Variants in NCALD observed in about 807,000 individuals in gnomAD.
NCALD encodes the protein neurocalcin-delta.
In NCALD, 10 loss-of-function variants were observed where a neutral mutation model predicts 18.6. The observed-to-expected ratio is 0.54, with a 90% CI of 0.33 to 0.91. The LOEUF (loss-of-function observed/expected upper bound fraction) is 0.91. Among genes scored for constraint, NCALD ranks in the 40% least tolerant of loss-of-function variants. The probability of loss-of-function intolerance (pLI) is 0.03; values close to 1 mark genes in which losing one functional copy is unlikely to be tolerated. For synonymous variants in NCALD, 88 were observed against 87.4 expected, an observed-to-expected ratio of 1.01 and a Z score of -0.04; for missense variants, 184 against 247.6, an observed-to-expected ratio of 0.74 and a Z score of 1.72.
At chr8:102,041,062 A>G (rs558081649) in intron 1 of NCALD, among the ~76,000 whole-genome samples, 1 of 152,310 alleles carries the variant, frequency 6.6e-6, no homozygotes, top group Non-Finnish European at 1.5e-5. Context: ...CTATTCTGCT[A>G]ATTTCTCAAT....
chr8:101,935,006 TA>T (rs1818708803), intron 2 of NCALD, among the ~76,000 whole-genome samples: 1 of 151,944 alleles, frequency 6.6e-6, no homozygotes, highest in Middle Eastern at 3.2e-3. Context: ...AGACTATATA[TA>T]AAAAACTTGT....
rs143561924 is a variant in NCALD at position 101,967,240 on chromosome 8, C to T, written c.-156-51382G>A. 2.8e-3 allele frequency among the ~76,000 whole-genome samples: 427 copies of T among 152,248 alleles called. 4 individuals carry two copies. Among genetic ancestry groups the T allele is most frequent in the African/African-American group, 1.0e-2 (414 of 41,550 alleles). On this transcript the variant is annotated intron_variant, in intron 2 of 6. Transcript: ENST00000311028. Reference sequence around the variant, plus strand: ...TCATGAACAGTGTTGTAAACCACAACGGAAGTTGCCAAGGAAGTGTGCTGG... The same window carrying T: ...TCATGAACAGTGTTGTAAACCACAATGGAAGTTGCCAAGGAAGTGTGCTGG...
chr8:101,723,183 A>G (rs1816436052), intron 1 of NCALD, among the ~76,000 whole-genome samples: 1 of 152,238 alleles, frequency 6.6e-6, no homozygotes, highest in Admixed American at 6.5e-5. Flanking sequence ...AATCGTTTTC[A>G]TAACTCCAGT....
chr8:102,095,478 T>C lies in NCALD; in HGVS notation c.-210+28759A>G, dbSNP rs1289903536. 2.0e-5 allele frequency among the ~76,000 whole-genome samples: 3 copies of C among 152,218 alleles called. No individual in the cohort carries two copies. The East Asian group carries it at 5.8e-4, about 29-fold the overall frequency. ...CCTGTGTTTTGATTTTGAGCATCTG[T>C]TAGGCTCGGACCAGCTAAAACCCAT... On this transcript the variant is annotated intron_variant, in intron 1 of 6. Coordinates refer to the NCALD transcript ENST00000311028.
chr8:101,731,993 C>T (rs1677011508), intron 1 of NCALD, among the ~76,000 whole-genome samples: 1 of 152,184 alleles, frequency 6.6e-6, no homozygotes. Flanking sequence ...ACCACCTGGC[C>T]GTCAGACCAT....
At chr8:101,974,107 G>A (rs1820336633) in intron 2 of NCALD, among the ~76,000 whole-genome samples, 1 of 139,574 alleles carries the variant, frequency 7.2e-6, no homozygotes, top group African/African-American at 2.7e-5. Context: ...AGCTCTCCCT[G>A]CCCTCAATAA....
At chr8:101,917,464 G>C (rs1357093486) in intron 2 of NCALD, among the ~76,000 whole-genome samples, 3 of 151,884 alleles carry the variant, frequency 2.0e-5, no homozygotes, top group African/African-American at 7.2e-5. Flanking sequence ...AAATCTAGCA[G>C]AAGAAAATAA....
chr8:101,853,373 A>G (rs1815176722), intron 4 of NCALD, among the ~76,000 whole-genome samples: 1 of 152,180 alleles, frequency 6.6e-6, no homozygotes, highest in Non-Finnish European at 1.5e-5. Flanking sequence ...TTGGGAATAA[A>G]AGATCCCATA....
At chr8:102,085,910 T>C (rs925382676) in intron 1 of NCALD, among the ~76,000 whole-genome samples, 3 of 152,198 alleles carry the variant, frequency 2.0e-5, no homozygotes, top group Admixed American at 2.0e-4. Flanking sequence ...CCTTCCATAT[T>C]TCAAAATTTT....
chr8:101,779,037 C>T (rs959995919), intron 1 of NCALD, among the ~76,000 whole-genome samples: 1 of 152,066 alleles, frequency 6.6e-6, no homozygotes, highest in South Asian at 2.1e-4. Flanking sequence ...CATCTGCTTT[C>T]CAGGTTGCTA....
intron 1 of NCALD, among the ~76,000 whole-genome samples, chr8:101,720,927 G>A (rs1225049097): frequency 2.0e-5 from 3 of 152,178 alleles, no homozygotes; most frequent in Non-Finnish European, 2.9e-5. Context: ...GCAGGGGATG[G>A]TGGTAACAGT....
At chr8:101,811,512 A>G (rs1813303437) in intron 4 of NCALD, among the ~76,000 whole-genome samples, 1 of 152,228 alleles carries the variant, frequency 6.6e-6, no homozygotes, top group South Asian at 2.1e-4. Context: ...GTTTAAAGCC[A>G]CCAAGTTTGT....
At position 101,692,909 on chromosome 8, in the gene NCALD, G is replaced by A. The variant is rs1460840637; in HGVS notation, c.379-13C>T. The A allele has an allele frequency of 3.8e-6, 6 of 1,584,818 alleles. No individual in the cohort carries two copies. In the African/African-American group the frequency reaches 8.1e-5, roughly 21 times the overall value. On this transcript the variant is annotated splice_polypyrimidine_tract_variant and intron_variant, in intron 2 of 3. Coordinates refer to ENST00000220931, the MANE Select transcript of NCALD (RefSeq NM_032041.3). ...TCTTATAGATTGCCTGGGGACAGAA[G>A]CGACATGGTGGTAAGACAGAAAAAC...
chr8:101,719,114 C>A (rs1816228065), intron 2 of NCALD, 138 bp downstream of exon 2: 1 of 999,652 alleles, frequency 1.0e-6, no homozygotes, highest in Non-Finnish European at 1.4e-6. Context: ...TTAAACTGTT[C>A]AAACATGCAG....
intron 4 of NCALD, among the ~76,000 whole-genome samples, chr8:101,865,201 G>T (rs2131381439): frequency 6.6e-6 from 1 of 152,266 alleles, no homozygotes; most frequent in East Asian, 1.9e-4. Context: ...TTTCATTGTA[G>T]CCAAAGACAT....
chr8:102,083,459 G>A (rs1223615342), intron 1 of NCALD, among the ~76,000 whole-genome samples: 1 of 152,176 alleles, frequency 6.6e-6, no homozygotes, highest in African/African-American at 2.4e-5. Context: ...TTCCTGTGTA[G>A]AAGCTTAGAT....
intron 2 of NCALD, among the ~76,000 whole-genome samples, chr8:101,963,988 C>T (rs1819930761): frequency 6.6e-6 from 1 of 152,160 alleles, no homozygotes; most frequent in African/African-American, 2.4e-5. Flanking sequence ...CCTTCCAAGG[C>T]AGTACATCCT....
At chr8:101,877,825 G>A (rs1816292291) in intron 4 of NCALD, among the ~76,000 whole-genome samples, 1 of 152,150 alleles carries the variant, frequency 6.6e-6, no homozygotes, top group African/African-American at 2.4e-5. Flanking sequence ...TTCTGGGGAA[G>A]AGCTGTTTGA....
chr8:101,935,911 CTAAG>C (rs1236312080), intron 2 of NCALD, among the ~76,000 whole-genome samples: 5 of 151,030 alleles, frequency 3.3e-5, no homozygotes, highest in African/African-American at 7.3e-5. Context: ...AAGCCAAGTC[CTAAG>C]TAAGAGAACA....
Sources: gnomAD v4.1 joint callset for allele counts (sites outside exome capture counted in the v4.1 genomes callset) on GRCh38, gnomAD v4.1.1 for gene constraint, MANE v1.5 for transcripts, NCBI Gene and HGNC (gene_info 2026-07-23, HGNC 2026-07-21) for gene names.